EYS: variants seen among roughly 807,000 people sequenced by gnomAD.
EYS encodes EGF-like photoreceptor maintenance factor, also known as protein eyes shut homolog.
A neutral mutation model predicts 282.1 loss-of-function variants in EYS; 250 were observed. The observed-to-expected ratio is 0.89, with a 90% CI of 0.80 to 0.98. EYS has a LOEUF of 0.98. Ranked by LOEUF, EYS falls within the 50% of genes least tolerant of loss-of-function variation. The probability of loss-of-function intolerance (pLI) is 0.00; values close to 1 mark genes in which losing one functional copy is unlikely to be tolerated. For missense variants in EYS, 4,016 were observed against 3,709.0 expected, an observed-to-expected ratio of 1.08 and a Z score of -2.15; for synonymous variants, 1,355 against 1,282.9, an observed-to-expected ratio of 1.06 and a Z score of -1.20.
intron 36 of EYS, among the ~76,000 whole-genome samples, chr6:63,812,036 A>G (rs1009637748): frequency 6.6e-6 from 1 of 152,194 alleles, no homozygotes; most frequent in African/African-American, 2.4e-5. Flanking sequence ...ATCACTTTAC[A>G]ATCTCTTTTC....
chr6:64,512,580 G>A (rs1475229183), intron 26 of EYS, among the ~76,000 whole-genome samples: 2 of 151,772 alleles, frequency 1.3e-5, no homozygotes, highest in Non-Finnish European at 2.9e-5. Flanking sequence ...TTGGGAAAGA[G>A]AGTTGAAGAT....
chr6:64,408,036 A>T (rs1460563672), intron 28 of EYS, among the ~76,000 whole-genome samples: 3 of 151,454 alleles, frequency 2.0e-5, no homozygotes, highest in African/African-American at 7.3e-5. Context: ...CGCACACATT[A>T]TTTTTTTTTA....
At position 64,161,517 on chromosome 6, in the gene EYS, C is replaced by A. The variant is rs565668947; in HGVS notation, c.6424+69075G>T. On this transcript the variant is annotated intron_variant, in intron 31 of 42. Transcript: ENST00000503581. ...GGTCATTTTCAACACATGATTATTT[C>A]TTGTGGGAAGTAATCTTTTTGAAGA... Among the ~76,000 whole-genome samples the A allele has an allele frequency of 7.9e-5, 12 of 152,214 alleles. 1 individual carries two copies. The highest frequency in any genetic ancestry group is 2.9e-4 in the African/African-American group (12 of 41,534).
At chr6:65,511,855 C>T (rs893077078) in intron 2 of EYS, among the ~76,000 whole-genome samples, 4 of 151,742 alleles carry the variant, frequency 2.6e-5, no homozygotes, top group African/African-American at 9.7e-5. Context: ...CTTGAGAGGT[C>T]CTATAATCTC....
At chr6:64,399,839 G>A (rs1477707983) in intron 28 of EYS, among the ~76,000 whole-genome samples, 1 of 151,850 alleles carries the variant, frequency 6.6e-6, no homozygotes, top group East Asian at 1.9e-4. Context: ...AGCTGTGTTA[G>A]TGCTGATGGA....
At chr6:64,002,561 C>T (rs964534674) in intron 33 of EYS, among the ~76,000 whole-genome samples, 2 of 152,222 alleles carry the variant, frequency 1.3e-5, no homozygotes, top group Non-Finnish European at 2.9e-5. Context: ...AAAGCACTCA[C>T]CCTAGCCTCT....
At chr6:64,590,076 C>T (rs1307803062) in intron 26 of EYS, 147 bp downstream of exon 26, 4 of 648,354 alleles carry the variant, frequency 6.2e-6, no homozygotes, top group East Asian at 2.7e-5. Context: ...TCAGGTACAA[C>T]AGCAGGTGCC....
intron 31 of EYS, among the ~76,000 whole-genome samples, chr6:64,082,609 C>A (rs773899004): frequency 1.3e-5 from 2 of 151,966 alleles, no homozygotes. Flanking sequence ...GGTTAGAGAA[C>A]TGTCACACAG....
chr6:65,617,848 C>T (rs531624618), intron 2 of EYS, among the ~76,000 whole-genome samples: 335 of 152,070 alleles, frequency 2.2e-3, no homozygotes, highest in Middle Eastern at 0.017. Flanking sequence ...TGATGATTTC[C>T]AGCTTCATCC....
chr6:65,549,229 A>G (rs1157705075), intron 2 of EYS, among the ~76,000 whole-genome samples: 2 of 152,200 alleles, frequency 1.3e-5, no homozygotes, highest in Non-Finnish European at 2.9e-5. Flanking sequence ...TCTTACTACA[A>G]TAATCTGTAT....
chr6:64,385,453 C>T (rs986922165), intron 29 of EYS, among the ~76,000 whole-genome samples: 20 of 152,226 alleles, frequency 1.3e-4, no homozygotes, highest in Admixed American at 4.6e-4. Flanking sequence ...AGCTGGCTGC[C>T]TTTTTAATTT....
chr6:64,230,326 C>A (rs918768970), intron 31 of EYS, among the ~76,000 whole-genome samples: 4 of 152,092 alleles, frequency 2.6e-5, no homozygotes, highest in African/African-American at 9.7e-5. Flanking sequence ...ACATAAAAAA[C>A]ACTATGTTTG....
At chr6:63,870,153 G>T (rs1299710215) in intron 35 of EYS, among the ~76,000 whole-genome samples, 1 of 152,112 alleles carries the variant, frequency 6.6e-6, no homozygotes, top group African/African-American at 2.4e-5. Flanking sequence ...AGCTATTTAA[G>T]GCTAGAAGAG....
intron 26 of EYS, among the ~76,000 whole-genome samples, chr6:64,480,788 C>T (rs553839428): frequency 1.2e-4 from 18 of 151,826 alleles, no homozygotes; most frequent in African/African-American, 4.1e-4. Context: ...TTGGCTGGCA[C>T]TTATTCTACT....
chr6:65,156,023 T>A (rs1014895779), intron 12 of EYS, among the ~76,000 whole-genome samples: 2 of 151,428 alleles, frequency 1.3e-5, no homozygotes, highest in African/African-American at 4.8e-5. Context: ...TTTAATTGCT[T>A]TAACTTTTAA....
chr6:64,331,217 G>A (rs1582609241), intron 29 of EYS, among the ~76,000 whole-genome samples: 2 of 152,226 alleles, frequency 1.3e-5, no homozygotes, highest in South Asian at 4.1e-4. Flanking sequence ...CCATTTGCAT[G>A]CCCATGGAGC....
intron 19 of EYS, among the ~76,000 whole-genome samples, chr6:64,830,979 G>C (rs1426885757): frequency 2.0e-5 from 3 of 151,960 alleles, no homozygotes; most frequent in African/African-American, 7.2e-5. Context: ...AGGCGACTCA[G>C]TATGGGTCAA....
intron 35 of EYS, among the ~76,000 whole-genome samples, chr6:63,920,702 CTT>C (rs765923235): frequency 1.3e-5 from 2 of 152,132 alleles, no homozygotes; most frequent in Non-Finnish European, 2.9e-5. Flanking sequence ...AAAAAACAAA[CTT>C]TTGAGTTTTC....
intron 12 of EYS, among the ~76,000 whole-genome samples, chr6:65,182,004 A>T (rs1483486981): frequency 2.6e-5 from 4 of 152,026 alleles, no homozygotes; most frequent in Admixed American, 6.6e-5. Flanking sequence ...TGGGAATTGA[A>T]CAATGAGAAC....
Sources: allele counts gnomAD v4.1 joint callset (sites outside exome capture counted in the v4.1 genomes callset), GRCh38; gene constraint gnomAD v4.1.1; transcripts MANE v1.5; gene names NCBI Gene and HGNC (gene_info 2026-07-23, HGNC 2026-07-21).